The following PPARG variants were observed in gnomAD, a reference collection of about 807,000 sequenced individuals.
PPARG encodes peroxisome proliferator-activated receptor gamma.
A neutral mutation model predicts 39.2 loss-of-function variants in PPARG; 17 were observed. That is an observed-to-expected ratio of 0.43 (90% CI 0.30 to 0.65). The LOEUF (loss-of-function observed/expected upper bound fraction) is 0.65, where lower values mean the gene tolerates loss of function less well. Among genes scored for constraint, PPARG ranks in the 30% least tolerant of loss-of-function variants. The probability of loss-of-function intolerance (pLI) is 0.13; values close to 1 mark genes in which losing one functional copy is unlikely to be tolerated. For synonymous variants in PPARG, 223 were observed against 215.7 expected (o/e 1.03, Z -0.30); for missense variants, 406 against 585.9 (o/e 0.69, Z 3.17).
intron 2 of PPARG, among the ~76,000 whole-genome samples, chr3:12,330,337 G>C (rs2047821258): frequency 6.9e-6 from 1 of 144,992 alleles, no homozygotes. Flanking sequence ...GTCCTATTAG[G>C]TGTCAAGTGT....
rs2047743245 is a variant in PPARG at position 12,328,054 on chromosome 3, A to G, written c.-9+15601A>G. 1.6e-5 allele frequency: 23 copies of G among 1,451,274 alleles called. 1 individual carries two copies. In the South Asian group the frequency reaches 2.6e-4, roughly 17 times the overall value. 89.9% of individuals were successfully genotyped at this position (1,451,274 alleles called of 1,614,324 possible). ...GAAAAAGCATGCACATCTTACAGAT[A>G]CAGAGATCATGACTTTGGTAGATGA... On this transcript the variant is annotated intron_variant, in intron 2 of 7. Coordinates refer to ENST00000651735, the MANE Select transcript of PPARG (RefSeq NM_138711.6).
intron 2 of PPARG, among the ~76,000 whole-genome samples, chr3:12,372,499 A>G (rs555020283): frequency 6.6e-6 from 1 of 152,324 alleles, no homozygotes; most frequent in South Asian, 2.1e-4. Context: ...ATTAAATGAC[A>G]CAATCCGGGC....
At chr3:12,288,485 G>T (rs914158902), upstream of PPARG, among the ~76,000 whole-genome samples, 1 of 152,098 alleles carries the variant, frequency 6.6e-6, no homozygotes, top group East Asian at 2.0e-4. Flanking sequence ...GTCCCCGGCG[G>T]AGGTGCGCAA....
At chr3:12,365,844 C>T (rs950446435) in intron 2 of PPARG, among the ~76,000 whole-genome samples, 6 of 152,062 alleles carry the variant, frequency 3.9e-5, no homozygotes, top group African/African-American at 9.7e-5. Context: ...GTCAGTCCTT[C>T]GACTTTATTC....
At chr3:12,390,535 C>T (rs2050033083) in intron 4 of PPARG, among the ~76,000 whole-genome samples, 1 of 147,280 alleles carries the variant, frequency 6.8e-6, no homozygotes, top group Non-Finnish European at 1.5e-5. Context: ...TCCCAGAAAA[C>T]TACATATAGT....
chr3:12,352,051 A>T (rs2048505158), intron 2 of PPARG, among the ~76,000 whole-genome samples: 1 of 152,148 alleles, frequency 6.6e-6, no homozygotes, highest in Non-Finnish European at 1.5e-5. Flanking sequence ...CTCATATGTT[A>T]GAGATCTCTC....
In PPARG at chr3:12,381,352, C is replaced by T; in HGVS notation, c.251C>T (p.Pro84Leu). 3 of 1,613,238 alleles carry T rather than the reference C, an allele frequency of 1.9e-6. No homozygotes were observed. Among genetic ancestry groups the T allele is most frequent in the East Asian group, 2.2e-5 (1 of 44,770 alleles). The change falls in exon 4 of 8, where the codon CCT becomes CTT. Residue 84 changes from proline (P) to leucine (L), a missense_variant. This residue lies in a region of PPARG where 131 missense variants were observed against 127.9 expected (regional missense o/e 1.02). Transcript: ENST00000651735. Reference sequence around the variant, plus strand: ...ATCAAAGTGGAGCCTGCATCTCCACCTTATTATTCTGAGAAGACTCAGCTC... The same window carrying T: ...ATCAAAGTGGAGCCTGCATCTCCACTTTATTATTCTGAGAAGACTCAGCTC... ...SAIKVEPASP[P>L]YYSEKTQLYN...
intron 2 of PPARG, chr3:12,351,738 T>C (rs972839177): frequency 6.2e-6 from 8 of 1,294,358 alleles, no homozygotes; most frequent in African/African-American, 4.4e-5. Flanking sequence ...GTAAAATTGC[T>C]CTTGTAGTTT....
chr3:12,366,122 T>G (rs1477000108), intron 2 of PPARG, among the ~76,000 whole-genome samples: 1 of 152,126 alleles, frequency 6.6e-6, no homozygotes, highest in Non-Finnish European at 1.5e-5. Context: ...TATATTTTAT[T>G]AAATTTATAC....
At chr3:12,408,559 T>G (rs1295965457) in intron 6 of PPARG, among the ~76,000 whole-genome samples, 1 of 140,806 alleles carries the variant, frequency 7.1e-6, no homozygotes, top group Non-Finnish European at 1.5e-5. Context: ...TTTCTTTTCT[T>G]TTCTTTTCTT....
Position 12,381,419 on chromosome 3 carries a change from A to G in PPARG, c.318A>G (p.Ala106=). 1 of 1,613,602 alleles carries G rather than the reference A, an allele frequency of 6.2e-7. No homozygotes were observed. Among genetic ancestry groups the G allele is most frequent in the Non-Finnish European group, 8.5e-7 (1 of 1,179,780 alleles). ...AAGAGCCTTCCAACTCCCTCATGGC[A>G]ATTGAATGTCGTGTCTGTGGAGATA... ...PHEEPSNSLM[A]IECRVCGDKA... is the part of the protein sequence containing the mutation. The change falls in exon 4 of 8, where the codon GCA becomes GCG. Residue 106 remains alanine (A), a synonymous_variant. Transcript: ENST00000651735.
At chr3:12,377,369 G>A (rs1327753473) in intron 2 of PPARG, among the ~76,000 whole-genome samples, 1 of 152,148 alleles carries the variant, frequency 6.6e-6, no homozygotes, top group Non-Finnish European at 1.5e-5. Flanking sequence ...ACTCTCGGGT[G>A]TGATCAAATG....
At chr3:12,323,764 A>G (rs1394634740) in intron 2 of PPARG, among the ~76,000 whole-genome samples, 2 of 152,174 alleles carry the variant, frequency 1.3e-5, no homozygotes, top group African/African-American at 4.8e-5. Flanking sequence ...GAAGAATAAA[A>G]AAAAAAAGAG....
At chr3:12,431,265 A>G (rs1029113441) in intron 7 of PPARG, among the ~76,000 whole-genome samples, 1 of 152,208 alleles carries the variant, frequency 6.6e-6, no homozygotes, top group Admixed American at 6.5e-5. Context: ...ATGCTTCTAT[A>G]TAACTCTTAG....
intron 1 of PPARG, among the ~76,000 whole-genome samples, chr3:12,291,621 T>C (rs1367467012): frequency 6.6e-6 from 1 of 152,212 alleles, no homozygotes; most frequent in African/African-American, 2.4e-5. Context: ...TCTATTCAGA[T>C]GCAATAGGCC....
chr3:12,322,888 A>G (rs2047585085), intron 2 of PPARG, among the ~76,000 whole-genome samples: 2 of 152,000 alleles, frequency 1.3e-5, no homozygotes, highest in Admixed American at 1.3e-4. Context: ...TGCAACCTCA[A>G]CCTCCCAGGC....
intron 1 of PPARG, among the ~76,000 whole-genome samples, chr3:12,298,495 A>G (rs1234751918): frequency 1.3e-5 from 2 of 152,026 alleles, no homozygotes; most frequent in Admixed American, 6.6e-5. Flanking sequence ...CAAAGGAGAA[A>G]GTTAAGTGGT....
At chr3:12,342,207 CAG>C (rs2048203583) in intron 2 of PPARG, among the ~76,000 whole-genome samples, 1 of 152,128 alleles carries the variant, frequency 6.6e-6, no homozygotes, top group Non-Finnish European at 1.5e-5. Flanking sequence ...ATAAGAAACA[CAG>C]GGGATGGAGA....
intron 2 of PPARG, among the ~76,000 whole-genome samples, chr3:12,361,415 G>A (rs1270504043): frequency 1.3e-5 from 2 of 151,824 alleles, no homozygotes; most frequent in East Asian, 3.9e-4. Context: ...ATATCCTTTG[G>A]AAGAAAGCTT....
Sources: allele counts gnomAD v4.1 joint callset (sites outside exome capture counted in the v4.1 genomes callset), GRCh38; gene constraint gnomAD v4.1.1; regional missense constraint gnomAD v4.1.1; transcripts MANE v1.5; gene names NCBI Gene and HGNC (gene_info 2026-07-23, HGNC 2026-07-21).